The following ITK variants were observed in gnomAD, a reference collection of about 807,000 sequenced individuals.
ITK encodes tyrosine-protein kinase ITK/TSK.
Under a neutral mutation model 87.6 loss-of-function variants are expected in ITK, and 45 were observed. The ratio of observed to expected loss-of-function variants is 0.51; its 90% CI spans 0.40 to 0.66. ITK has a LOEUF of 0.66. Among genes scored for constraint, ITK ranks in the 30% least tolerant of loss-of-function variants. ITK has a pLI of 0.00. For missense variants in ITK, 605 were observed against 766.3 expected (o/e 0.79, Z 2.48); for synonymous variants, 303 against 273.6 (o/e 1.11, Z -1.06).
At chr5:157,250,358 C>T (rs573923444) in intron 16 of ITK, among the ~76,000 whole-genome samples, 15 of 152,174 alleles carry the variant, frequency 9.9e-5, no homozygotes, top group Non-Finnish European at 2.1e-4. Context: ...TAGTAATATG[C>T]TTTAAGGTCC....
In ITK at chr5:157,204,145, G is replaced by A. The variant is rs1754032213; in HGVS notation, c.139-4744G>A. On this transcript the variant is annotated intron_variant, in intron 1 of 16. Transcript: ENST00000422843. ...CCCACTTCACCCTCCCAAGTAGCTG[G>A]GACTACAGGTGCACACCATGAGGCT... Among the ~76,000 whole-genome samples, 4 of 152,080 alleles carry A rather than the reference G, an allele frequency of 2.6e-5. No individual in the cohort carries two copies. The South Asian group carries it at 8.3e-4, about 31-fold the overall frequency.
intron 5 of ITK, among the ~76,000 whole-genome samples, chr5:157,219,599 C>G (rs768828825): frequency 3.1e-4 from 47 of 152,290 alleles, no homozygotes; most frequent in Non-Finnish European, 5.4e-4. Context: ...AAAGCCCCAG[C>G]CTGGTGTTTA....
intron 10 of ITK, chr5:157,240,900 T>C (rs1289847315): frequency 6.6e-6 from 1 of 152,364 alleles, no homozygotes; most frequent in Non-Finnish European, 1.5e-5. Context: ...ACATAGGGCT[T>C]TTCTTTTCTT....
chr5:157,239,250 T>C (rs114797179), intron 9 of ITK, among the ~76,000 whole-genome samples: 2,128 of 152,034 alleles, frequency 0.014, 28 homozygotes, highest in South Asian at 0.026. Flanking sequence ...CAAAGCAAAA[T>C]CAGCAACGGG....
chr5:157,239,274 G>T (rs1364979542), intron 9 of ITK, among the ~76,000 whole-genome samples: 1 of 152,142 alleles, frequency 6.6e-6, no homozygotes, highest in Non-Finnish European at 1.5e-5. Flanking sequence ...AGACACATGG[G>T]ACAAAATCTA....
chr5:157,217,745 C>A, intron 4 of ITK, 122 bp from the exon 5 acceptor site: 1 of 807,834 alleles, frequency 1.2e-6, no homozygotes. Context: ...TCCTTCTGGC[C>A]CCCTTTCTTC....
intron 1 of ITK, among the ~76,000 whole-genome samples, chr5:157,185,216 T>C (rs549163287): frequency 4.2e-4 from 64 of 152,082 alleles, no homozygotes; most frequent in South Asian, 8.3e-4. Flanking sequence ...AATTATATAA[T>C]GCTGTGCAAT....
At chr5:157,207,512 C>T (rs1754106885) in intron 1 of ITK, among the ~76,000 whole-genome samples, 1 of 148,546 alleles carries the variant, frequency 6.7e-6, no homozygotes, top group East Asian at 2.1e-4. Flanking sequence ...TCCAGAGTAG[C>T]TGGGATTATA....
chr5:157,222,809 C>A (rs1580894060), intron 5 of ITK, 54 bp from the exon 6 acceptor site: 1 of 1,572,022 alleles, frequency 6.4e-7, no homozygotes, highest in East Asian at 2.2e-5. Flanking sequence ...TGAAAGGAGG[C>A]ATTTTACCTC....
chr5:157,228,462 A>C (rs1754581212), intron 7 of ITK, 101 bp downstream of exon 7: 6 of 743,432 alleles, frequency 8.1e-6, no homozygotes, highest in Non-Finnish European at 1.5e-5. Context: ...GATGATCCCT[A>C]CTGCAACAGC....
At chr5:157,219,488 A>G (rs1754370222) in intron 5 of ITK, among the ~76,000 whole-genome samples, 1 of 152,094 alleles carries the variant, frequency 6.6e-6, no homozygotes, top group Admixed American at 6.5e-5. Flanking sequence ...CCATTTCCTC[A>G]TGCTTCTTCC....
chr5:157,214,044 G>C lies in ITK; in HGVS notation c.326-147G>C, dbSNP rs1480265160. On this transcript the variant is annotated intron_variant, in intron 3 of 16. Transcript: ENST00000422843. ...AGTAAATAGCACAGTGCATTTATGC[G>C]CTCAGATCAACCCATGCTTCTGAGT... 39 of 758,982 alleles carry C rather than the reference G, an allele frequency of 5.1e-5. 1 individual carries two copies. The highest frequency in any genetic ancestry group is 4.8e-6 in the Non-Finnish European group (2 of 417,236). 47.0% of individuals were successfully genotyped at this position (758,982 alleles called of 1,614,324 possible). A position where few individuals can be genotyped will look rare whatever the true frequency, so the allele number is the denominator to read the frequency against.
intron 7 of ITK, among the ~76,000 whole-genome samples, chr5:157,229,771 G>T (rs749624827): frequency 6.6e-6 from 1 of 152,104 alleles, no homozygotes; most frequent in African/African-American, 2.4e-5. Flanking sequence ...AGAATTATCC[G>T]GGTGTGATGG....
intron 1 of ITK, among the ~76,000 whole-genome samples, chr5:157,191,175 T>C (rs1753746656): frequency 6.6e-6 from 1 of 152,134 alleles, no homozygotes; most frequent in Non-Finnish European, 1.5e-5. Context: ...AGTCTCACTC[T>C]GTCACCCAGG....
At chr5:157,233,865 T>C (rs1380434410) in intron 8 of ITK, among the ~76,000 whole-genome samples, 2 of 144,454 alleles carry the variant, frequency 1.4e-5, no homozygotes, top group Non-Finnish European at 3.0e-5. Flanking sequence ...CAGCAGTTCT[T>C]GTGAGGTGCT....
chr5:157,223,040 C>T (rs1754455523), intron 6 of ITK, 26 bp downstream of exon 6: 1 of 1,613,554 alleles, frequency 6.2e-7, no homozygotes, highest in Non-Finnish European at 8.5e-7. Context: ...GGCTGCTGTC[C>T]CCGTGTTTGA....
At chr5:157,197,297 G>T (rs1448291439) in intron 1 of ITK, among the ~76,000 whole-genome samples, 2 of 152,176 alleles carry the variant, frequency 1.3e-5, no homozygotes, top group Admixed American at 6.6e-5. Context: ...TGCTAATGGG[G>T]TTATGCGGTT....
intron 1 of ITK, among the ~76,000 whole-genome samples, chr5:157,189,016 A>C (rs1029796885): frequency 6.6e-6 from 1 of 152,132 alleles, no homozygotes; most frequent in Non-Finnish European, 1.5e-5. Flanking sequence ...CCGGGGAATG[A>C]ATGAAGGTCA....
intron 1 of ITK, among the ~76,000 whole-genome samples, chr5:157,188,737 C>A (rs1354451053): frequency 1.3e-5 from 2 of 152,226 alleles, no homozygotes; most frequent in African/African-American, 2.4e-5. Flanking sequence ...ATCCTCTCGA[C>A]TAGCTGGGAC....
Sources: allele counts gnomAD v4.1 joint callset (sites outside exome capture counted in the v4.1 genomes callset), GRCh38; gene constraint gnomAD v4.1.1; transcripts MANE v1.5; gene names NCBI Gene and HGNC (gene_info 2026-07-23, HGNC 2026-07-21).